RSU1: variants seen among roughly 807,000 people sequenced by gnomAD.
RSU1 encodes the protein Ras suppressor protein 1.
In RSU1, 26 loss-of-function variants were observed where a neutral mutation model predicts 31.1. The ratio of observed to expected loss-of-function variants is 0.84; its 90% CI spans 0.61 to 1.16. The LOEUF (loss-of-function observed/expected upper bound fraction) is 1.16. Among genes scored for constraint, RSU1 ranks in the 50% most tolerant of loss-of-function variants. The pLI, the probability that RSU1 is intolerant of heterozygous loss-of-function variation, is 0.00. For synonymous variants in RSU1, 164 were observed against 136.3 expected, an observed-to-expected ratio of 1.20 and a Z score of -1.41; for missense variants, 320 against 339.1, an observed-to-expected ratio of 0.94 and a Z score of 0.44.
chr10:16,674,006 G>A (rs548113037), intron 8 of RSU1, among the ~76,000 whole-genome samples: 138 of 152,204 alleles, frequency 9.1e-4, no homozygotes, highest in African/African-American at 3.1e-3. Flanking sequence ...AGCAACACCT[G>A]CATCCTGAGG....
chr10:16,603,210 C>CAA (rs1833742454), intron 8 of RSU1, among the ~76,000 whole-genome samples: 1 of 152,084 alleles, frequency 6.6e-6, no homozygotes. Context: ...TAAACAGCCA[C>CAA]AACGAAATGT....
chr10:16,771,783 G>C (rs765673117), intron 3 of RSU1, among the ~76,000 whole-genome samples: 2 of 152,296 alleles, frequency 1.3e-5, no homozygotes, highest in South Asian at 4.1e-4. Context: ...AGCTATTAAA[G>C]CAGTGAATTA....
intron 3 of RSU1, chr10:16,767,190 A>G (rs187936208): frequency 5.3e-5 from 8 of 152,316 alleles, no homozygotes; most frequent in Admixed American, 5.2e-4. Context: ...ATTAGTTTGA[A>G]GAGCACATTC....
At chr10:16,709,521 T>C (rs534896843) in intron 7 of RSU1, among the ~76,000 whole-genome samples, 212 of 152,332 alleles carry the variant, frequency 1.4e-3, no homozygotes, top group Non-Finnish European at 2.6e-3. Flanking sequence ...AGCAATGGGA[T>C]GGCTGGGTCA....
At chr10:16,670,725 G>A (rs1397958215) in intron 8 of RSU1, among the ~76,000 whole-genome samples, 2 of 152,030 alleles carry the variant, frequency 1.3e-5, no homozygotes, top group East Asian at 1.9e-4. Context: ...TTCTTCTGGT[G>A]TTCCCTTGGT....
At chr10:16,600,500 C>CT (rs1028290754) in intron 8 of RSU1, among the ~76,000 whole-genome samples, 8 of 149,210 alleles carry the variant, frequency 5.4e-5, no homozygotes, top group Admixed American at 2.7e-4. Context: ...AATTTTGCAA[C>CT]TTTTTTTTTG....
intron 4 of RSU1, among the ~76,000 whole-genome samples, chr10:16,759,479 C>A (rs1182720051): frequency 1.3e-5 from 2 of 152,166 alleles, no homozygotes; most frequent in East Asian, 3.9e-4. Flanking sequence ...TGCACTCCAG[C>A]CTGGGTGACA....
chr10:16,736,392 C>T (rs569312644), intron 7 of RSU1, among the ~76,000 whole-genome samples: 1 of 152,278 alleles, frequency 6.6e-6, no homozygotes, highest in South Asian at 2.1e-4. Flanking sequence ...TGTTACTAAG[C>T]ACCCTGGTCA....
intron 7 of RSU1, among the ~76,000 whole-genome samples, chr10:16,707,665 G>T (rs1469787781): frequency 4.0e-5 from 6 of 150,798 alleles, no homozygotes; most frequent in Admixed American, 3.3e-4. Flanking sequence ...CATTCTTTAG[G>T]TGCCTCTTCA....
At chr10:16,756,429 A>G (rs10904801) in intron 4 of RSU1, among the ~76,000 whole-genome samples, 27,555 of 151,896 alleles carry the variant, frequency 0.18, 3,501 homozygotes, top group African/African-American at 0.37. Context: ...TTTTTCTTCT[A>G]CCTCTGCCAC....
chr10:16,622,139 G>T (rs950477393), intron 8 of RSU1, among the ~76,000 whole-genome samples: 4 of 151,974 alleles, frequency 2.6e-5, no homozygotes, highest in Admixed American at 2.6e-4. Flanking sequence ...CCCCAATACA[G>T]GTGCTGTTTC....
intron 7 of RSU1, among the ~76,000 whole-genome samples, chr10:16,746,274 G>T (rs776484213): frequency 3.3e-5 from 5 of 152,218 alleles, no homozygotes; most frequent in Non-Finnish European, 7.3e-5. Flanking sequence ...AAGCTGGCTA[G>T]CCCCAGGTGT....
At chr10:16,804,203 A>C (rs559158171) in intron 2 of RSU1, among the ~76,000 whole-genome samples, 1 of 152,378 alleles carries the variant, frequency 6.6e-6, no homozygotes, top group South Asian at 2.1e-4. Context: ...TATGGCAAAT[A>C]AGCATATGAA....
At chr10:16,630,114 C>T (rs762038585) in intron 8 of RSU1, among the ~76,000 whole-genome samples, 2 of 151,968 alleles carry the variant, frequency 1.3e-5, no homozygotes, top group Non-Finnish European at 2.9e-5. Flanking sequence ...CCATGTTGCT[C>T]AGGCTGGTCT....
chr10:16,740,261 A>G (rs1291440906), intron 7 of RSU1, among the ~76,000 whole-genome samples: 1 of 152,198 alleles, frequency 6.6e-6, no homozygotes, highest in African/African-American at 2.4e-5. Context: ...ACAAAAAATA[A>G]AAGCCACATA....
intron 7 of RSU1, among the ~76,000 whole-genome samples, chr10:16,710,721 GGTTT>G (rs1198567962): frequency 1.3e-5 from 2 of 151,778 alleles, no homozygotes; most frequent in Non-Finnish European, 2.9e-5. Flanking sequence ...AGAAAGTGCA[GGTTT>G]GTTACATAGG....
intron 7 of RSU1, among the ~76,000 whole-genome samples, chr10:16,751,166 C>G (rs73606854): frequency 5.1e-4 from 78 of 152,188 alleles, no homozygotes; most frequent in African/African-American, 1.7e-3. Context: ...CGTGCCCGGC[C>G]CGAGATCTCT....
At chr10:16,777,764 A>G (rs886869807) in intron 3 of RSU1, among the ~76,000 whole-genome samples, 4 of 152,230 alleles carry the variant, frequency 2.6e-5, no homozygotes, top group Non-Finnish European at 5.9e-5. Flanking sequence ...GCAGACTAAA[A>G]AAGACTCAGC....
chr10:16,781,213 C>G (rs922847585), intron 3 of RSU1, among the ~76,000 whole-genome samples: 5 of 152,030 alleles, frequency 3.3e-5, no homozygotes, highest in African/African-American at 1.2e-4. Flanking sequence ...GGGAAAGGAG[C>G]GTGGGTCCCT....
Sources: gnomAD v4.1 joint callset for allele counts (sites outside exome capture counted in the v4.1 genomes callset) on GRCh38, gnomAD v4.1.1 for gene constraint, MANE v1.5 for transcripts, NCBI Gene and HGNC (gene_info 2026-07-23, HGNC 2026-07-21) for gene names.